RADIL: variants seen among roughly 807,000 people sequenced by gnomAD.
The protein encoded by RADIL is Rap associating with DIL domain.
In RADIL, 99 loss-of-function variants were observed where a neutral mutation model predicts 97.6. That is an observed-to-expected ratio of 1.01 (90% confidence interval 0.86 to 1.20). The LOEUF (loss-of-function observed/expected upper bound fraction) is 1.20. Among genes scored for constraint, RADIL ranks in the 50% most tolerant of loss-of-function variants. The pLI is 0.00. For synonymous variants in RADIL, 803 were observed against 691.8 expected (o/e 1.16, Z -2.52); for missense variants, 1,765 against 1,498.9 (o/e 1.18, Z -2.93).
chr7:4,865,515 C>G lies in RADIL; in HGVS notation c.535+12090G>C, dbSNP rs116492259. On this transcript the variant is annotated intron_variant, in intron 2 of 14. Transcript: ENST00000399583. ...ACTCTCTTTGCTGTTAGCAACTATGCGCAGCCAATATTCTTCAAATATTTT... is the reference window on the plus strand; with the variant it reads ...ACTCTCTTTGCTGTTAGCAACTATGGGCAGCCAATATTCTTCAAATATTTT... 547 of 781,942 alleles carry G rather than the reference C, an allele frequency of 7.0e-4. 2 individuals are homozygous for G. The African/African-American group carries it at 8.2e-3, about 12-fold the overall frequency. The allele number at this position is 781,942 out of a possible 1,614,324, so 48.4% of individuals were successfully genotyped here.
rs913844832 is a variant in RADIL at position 4,814,376 on chromosome 7, TG to T, written c.2139+901del. ...CTTTGTCGCTCAAGGTGGAGTGCAG[TG>T]GCATGATCTCGGCTCACTGCAACCT... On this transcript the variant is annotated intron_variant, in intron 9 of 14. Coordinates refer to ENST00000399583, the MANE Select transcript of RADIL (RefSeq NM_018059.5). This position sits in a 1 kb window ranked among gnomAD's most constrained non-coding sequence, Gnocchi z 4.5. Among the ~76,000 whole-genome samples the T allele has an allele frequency of 6.6e-6, 1 of 152,142 alleles. No homozygotes were observed. Among genetic ancestry groups the T allele is most frequent in the Non-Finnish European group, 1.5e-5 (1 of 68,030 alleles).
intron 4 of RADIL, among the ~76,000 whole-genome samples, chr7:4,833,111 G>A (rs759976418): frequency 3.3e-5 from 5 of 152,126 alleles, no homozygotes; most frequent in Admixed American, 1.3e-4. Flanking sequence ...TGCAGGGAGT[G>A]GGCCAGCCAC....
In RADIL at chr7:4,878,214, AAGTG is replaced by A. The variant is rs1442102927; in HGVS notation, c.-64-15_-64-12del. ...TGGGGAGGCCGTGACCTGGGTGAAA[AAGTG>A]AGAGAGGTTAGCGCCAACCATCGTG... On this transcript the variant is annotated splice_polypyrimidine_tract_variant and intron_variant, in intron 1 of 14. Transcript: ENST00000399583. This position sits in a 1 kb window ranked among gnomAD's most constrained non-coding sequence, Gnocchi z 4.1. 1.9e-5 allele frequency: 27 copies of A among 1,412,200 alleles called. No homozygotes were observed. Among genetic ancestry groups the A allele is most frequent in the Non-Finnish European group, 2.5e-5 (27 of 1,069,746 alleles). 87.5% of individuals were successfully genotyped at this position (1,412,200 alleles called of 1,614,324 possible).
At chr7:4,807,545 C>G (rs369830067) in intron 9 of RADIL, among the ~76,000 whole-genome samples, 5 of 113,694 alleles carry the variant, frequency 4.4e-5, no homozygotes, top group African/African-American at 1.4e-4. Flanking sequence ...CTCTCTCCCT[C>G]TGTCTCCCCT....
Position 4,834,824 on chromosome 7 carries a change from G to C in RADIL, c.1199C>G (p.Pro400Arg), listed in dbSNP as rs375110863. 197 of 1,317,902 alleles carry C rather than the reference G, an allele frequency of 1.5e-4. 1 individual carries two copies. The African/African-American group carries it at 2.8e-3, about 19-fold the overall frequency. The allele number at this position is 1,317,902 out of a possible 1,614,324, so 81.6% of individuals were successfully genotyped here. ...CTCCAGGAGCAGCTGCTGGCGCCGG[G>C]GCAGGGCGGCCTGAGTAGGGGAGGC... ...GAASPTQAALPRRQQLLLEFE... is the reference protein window; with the variant it reads ...GAASPTQAALRRRQQLLLEFE... The change falls in exon 4 of 15, where the codon CCC (proline) becomes CGC (arginine). Residue 400 changes from proline to arginine, a missense_variant. Transcript: ENST00000399583. This position sits in a 1 kb window ranked among gnomAD's most constrained non-coding sequence, Gnocchi z 6.0.
rs148516521 is a variant in RADIL, at chr7:4,822,883, G to C, written c.1455-329C>G. ...AAGTGGCTGTGAATGCTGAGAGAATGTGTGCCAATATGTGTGTGTGTGCGT... is the reference window on the plus strand; with the variant it reads ...AAGTGGCTGTGAATGCTGAGAGAATCTGTGCCAATATGTGTGTGTGTGCGT... On this transcript the variant is annotated intron_variant, in intron 5 of 14. Coordinates refer to ENST00000399583, the MANE Select transcript of RADIL (RefSeq NM_018059.5). The surrounding 1 kb of genome is among the most constrained non-coding windows in gnomAD (Gnocchi z 5.3). Among the ~76,000 whole-genome samples the C allele has an allele frequency of 0.03, 4,579 of 152,158 alleles. 91 individuals are homozygous for C. The highest frequency in any genetic ancestry group is 0.038 in the African/African-American group (1,590 of 41,542).
At position 4,798,438 on chromosome 7, in the gene RADIL, A is replaced by T. The variant is rs1165416362; in HGVS notation, c.*940T>A. 1.3e-5 allele frequency: 2 copies of T among 152,260 alleles called. No individual in the cohort carries two copies. Among genetic ancestry groups the T allele is most frequent in the East Asian group, 1.9e-4 (1 of 5,194 alleles). The allele number at this position is 152,260 out of a possible 1,614,324, so 9.4% of individuals were successfully genotyped here. ...CAGGGTTTCTCTGTTGCTATCAAAG[A>T]TGACCCTGGGCCACCAGTTCCACCA... is the stretch of plus-strand genomic sequence containing the variant. On this transcript the variant is annotated 3_prime_UTR_variant, in exon 15 of 15. Transcript: ENST00000399583.
At position 4,880,116 on chromosome 7, in the gene RADIL, T is replaced by C. The variant is rs1244225379; in HGVS notation, c.-64-1913A>G. 6.6e-6 allele frequency among the ~76,000 whole-genome samples: 1 copy of C among 152,204 alleles called. No individual in the cohort carries two copies. The highest frequency in any genetic ancestry group is 1.5e-5 in the Non-Finnish European group (1 of 68,038). On this transcript the variant is annotated intron_variant, in intron 1 of 14. Coordinates refer to ENST00000399583, the MANE Select transcript of RADIL (RefSeq NM_018059.5). The surrounding 1 kb of genome is among the most constrained non-coding windows in gnomAD (Gnocchi z 4.5). ...CAAAGGCTTTCGCTGTGCCTGGCTTTCTGAAGAGGTGAATTTGCTGTAACA... is the reference window on the plus strand; with the variant it reads ...CAAAGGCTTTCGCTGTGCCTGGCTTCCTGAAGAGGTGAATTTGCTGTAACA...
Position 4,815,447 on chromosome 7 carries a change from G to A in RADIL, c.1970C>T (p.Pro657Leu), listed in dbSNP as rs776120396. ...GGGCCAGTGGAAGCAGCTCAGGGAG[G>A]GGCCTGTGGAGGGAAGAAGGGAGGG... ...LLLNQLLDRG[P>L]SLSCFHWPRG... The change falls in exon 9 of 15, where the codon CCC becomes CTC. Residue 657 changes from proline (P) to leucine (L), a missense_variant. By Grantham distance (98) the Pro-to-Leu change is moderately conservative. Coordinates refer to ENST00000399583, the MANE Select transcript of RADIL (RefSeq NM_018059.5). This position sits in a 1 kb window ranked among gnomAD's most constrained non-coding sequence, Gnocchi z 8.0. The A allele has an allele frequency of 3.0e-5, 45 of 1,514,266 alleles. No homozygotes were observed. The highest frequency in any genetic ancestry group is 3.8e-5 in the Non-Finnish European group (43 of 1,128,258). The allele number at this position is 1,514,266 out of a possible 1,614,324, so 93.8% of individuals were successfully genotyped here.
rs934112673 is a variant in RADIL at position 4,859,727 on chromosome 7, G to C, written c.535+17878C>G. 4.5e-5 allele frequency: 27 copies of C among 597,822 alleles called. No homozygotes were observed. The Admixed American group carries it at 4.9e-4, about 11-fold the overall frequency. The allele number at this position is 597,822 out of a possible 1,614,324, so 37.0% of individuals were successfully genotyped here. On this transcript the variant is annotated intron_variant, in intron 2 of 14. Coordinates refer to ENST00000399583, the MANE Select transcript of RADIL (RefSeq NM_018059.5). ...AGGAATTGGATTTGCAGGGAGAACAGGGATACCGGAAAGATCTATACTGAT... is the reference window on the plus strand; with the variant it reads ...AGGAATTGGATTTGCAGGGAGAACACGGATACCGGAAAGATCTATACTGAT...
In RADIL at chr7:4,874,733, G is replaced by A. The variant is rs561373703; in HGVS notation, c.535+2872C>T. Among the ~76,000 whole-genome samples, 2 of 152,180 alleles carry A rather than the reference G, an allele frequency of 1.3e-5. 1 individual carries two copies. The highest frequency in any genetic ancestry group is 4.8e-5 in the African/African-American group (2 of 41,448). ...GAGCAGGGGTGCTTTCGCTCGCCCT[G>A]AATAATTTAACAGGAATGATTCCAA... On this transcript the variant is annotated intron_variant, in intron 2 of 14. Transcript: ENST00000399583.
intron 3 of RADIL, 96 bp downstream of exon 3, chr7:4,836,261 CG>C: frequency 6.6e-7 from 1 of 1,518,952 alleles, no homozygotes. Context: ...AGCTCGCGGC[CG>C]ACTGGGCTAA....
At chr7:4,801,560 G>A in intron 12 of RADIL, 93 bp downstream of exon 12, 3 of 1,365,856 alleles carry the variant, frequency 2.2e-6, no homozygotes, top group South Asian at 2.7e-5. Flanking sequence ...GGAAACCTAG[G>A]ACCCAAGGGG....
At chr7:4,825,908 A>AAAAAAAAAAAAAAAAT (rs760101468) in intron 5 of RADIL, among the ~76,000 whole-genome samples, 1 of 144,972 alleles carries the variant, frequency 6.9e-6, no homozygotes, top group Non-Finnish European at 1.5e-5. Context: ...AAAAAAAAAA[A>AAAAAAAAAAAAAAAAT]GGGAAATGAA....
Position 4,842,632 on chromosome 7 carries a change from T to C in RADIL, c.536-6027A>G, listed in dbSNP as rs541125407. 6.6e-6 allele frequency among the ~76,000 whole-genome samples: 1 copy of C among 152,234 alleles called. No individual in the cohort carries two copies. The highest frequency in any genetic ancestry group is 1.9e-4 in the East Asian group (1 of 5,168). On this transcript the variant is annotated intron_variant, in intron 2 of 14. Coordinates refer to ENST00000399583, the MANE Select transcript of RADIL (RefSeq NM_018059.5). This position sits in a 1 kb window ranked among gnomAD's most constrained non-coding sequence, Gnocchi z 4.5. ...CTCTTCCTGAACGTTGCTCAATTCC[T>C]CTATAAACTCAGCCGGCAGCTTTCG...
Position 4,878,601 on chromosome 7 carries a change from C to T in RADIL, c.-64-398G>A, listed in dbSNP as rs189497868. 1.8e-3 allele frequency among the ~76,000 whole-genome samples: 272 copies of T among 152,318 alleles called. 2 individuals are homozygous for T. Among genetic ancestry groups the T allele is most frequent in the African/African-American group, 6.1e-3 (255 of 41,570 alleles). ...GCCCCGCAGACCTGACACCAGAGCA[C>T]CTGAGCAGAGGATGTGGCTGGAGCC... On this transcript the variant is annotated intron_variant, in intron 1 of 14. Transcript: ENST00000399583. This position sits in a 1 kb window ranked among gnomAD's most constrained non-coding sequence, Gnocchi z 4.1.
In RADIL at chr7:4,824,495, C is replaced by G. The variant is rs894509043; in HGVS notation, c.1455-1941G>C. On this transcript the variant is annotated intron_variant, in intron 5 of 14. Transcript: ENST00000399583. The surrounding 1 kb of genome is among the most constrained non-coding windows in gnomAD (Gnocchi z 6.7). ...CCTGTTCTTTCCCCAGCTGGGCAGC[C>G]GAGCAGGGCTGGGGGAGGAACCCCA... 1.3e-5 allele frequency among the ~76,000 whole-genome samples: 2 copies of G among 152,208 alleles called. No homozygotes were observed. The highest frequency in any genetic ancestry group is 2.9e-5 in the Non-Finnish European group (2 of 68,032).
In RADIL at chr7:4,877,266, G is replaced by A. The variant is rs192593576; in HGVS notation, c.535+339C>T. On this transcript the variant is annotated intron_variant, in intron 2 of 14. Transcript: ENST00000399583. Reference sequence around the variant, plus strand: ...AAGACTATCCTGGGTATCACAGCGAGACTCCTGTCTCTACAAAAAGTAAAA... The same window carrying A: ...AAGACTATCCTGGGTATCACAGCGAAACTCCTGTCTCTACAAAAAGTAAAA... Among the ~76,000 whole-genome samples, 267 of 152,228 alleles carry A rather than the reference G, an allele frequency of 1.8e-3. 5 individuals carry two copies. The East Asian group carries it at 0.045, about 26-fold the overall frequency.
rs890633449 is a variant in RADIL at position 4,846,034 on chromosome 7, G to A, written c.536-9429C>T. Among the ~76,000 whole-genome samples the A allele has an allele frequency of 2.6e-5, 4 of 152,042 alleles. No homozygotes were observed. In the East Asian group the frequency reaches 7.7e-4, roughly 29 times the overall value. On this transcript the variant is annotated intron_variant, in intron 2 of 14. Coordinates refer to ENST00000399583, the MANE Select transcript of RADIL (RefSeq NM_018059.5). ...CCGCGTCCAGCATGGCGCTGGGCAC[G>A]CCACCAACAGCGACAGCCCTATGGA...
Sources: gnomAD v4.1 joint callset for allele counts (sites outside exome capture counted in the v4.1 genomes callset) on GRCh38, gnomAD v4.1.1 for gene constraint, Gnocchi (gnomAD v3.1) non-coding constraint, MANE v1.5 for transcripts, NCBI Gene and HGNC (gene_info 2026-07-23, HGNC 2026-07-21) for gene names.